MTSS2: variants seen among roughly 807,000 people sequenced by gnomAD.
MTSS2 encodes MTSS I-BAR domain containing 2.
MTSS2 carries 27 observed loss-of-function variants against 67.1 expected under a neutral mutation model. That is an observed-to-expected ratio of 0.40 (90% CI 0.30 to 0.55). The LOEUF (loss-of-function observed/expected upper bound fraction) is 0.55. Among genes scored for constraint, MTSS2 ranks in the 20% least tolerant of loss-of-function variants. MTSS2 has a pLI of 0.43. For synonymous variants in MTSS2, 624 were observed against 468.6 expected, an observed-to-expected ratio of 1.33 and a Z score of -4.28; for missense variants, 1,171 against 1,067.8, an observed-to-expected ratio of 1.10 and a Z score of -1.35.
chr16:70,676,789 G>C, intron 10 of MTSS2, 92 bp downstream of exon 10: 1 of 1,134,108 alleles, frequency 8.8e-7, no homozygotes, highest in East Asian at 2.5e-5. Flanking sequence ...TTGAGGCCCT[G>C]AAGCAATTTC....
chr16:70,679,945 C>G (rs765190719), intron 4 of MTSS2, 26 bp downstream of exon 4: 4 of 1,485,678 alleles, frequency 2.7e-6, no homozygotes, highest in African/African-American at 2.8e-5. Context: ...CCCCCGCCCC[C>G]CTGCCCGCCC....
chr16:70,670,762 G>T (rs117229820), intron 11 of MTSS2, among the ~76,000 whole-genome samples: 2 of 151,946 alleles, frequency 1.3e-5, no homozygotes, highest in Admixed American at 1.3e-4. Context: ...GTAGGAGTTC[G>T]AGACCAGCCT....
chr16:70,665,160 G>A (rs576127395), intron 12 of MTSS2, 64 bp from the exon 13 acceptor site: 207 of 1,511,102 alleles, frequency 1.4e-4, no homozygotes, highest in Non-Finnish European at 1.7e-4. Flanking sequence ...CCGGGGGCCC[G>A]TCACTGTGGC....
At chr16:70,667,780 C>G (rs532005785) in intron 11 of MTSS2, among the ~76,000 whole-genome samples, 2 of 151,532 alleles carry the variant, frequency 1.3e-5, no homozygotes, top group African/African-American at 2.4e-5. Flanking sequence ...GGCTGAGGCA[C>G]GAGAATAGCT....
chr16:70,683,933 C>A (rs1004644073), intron 1 of MTSS2, among the ~76,000 whole-genome samples: 3 of 152,368 alleles, frequency 2.0e-5, no homozygotes, highest in Non-Finnish European at 2.9e-5. Context: ...AGGGGCGAAT[C>A]TGTCCTTGGC....
intron 3 of MTSS2, 26 bp downstream of exon 3, chr16:70,680,768 C>T: frequency 6.5e-7 from 1 of 1,549,560 alleles, no homozygotes; most frequent in Middle Eastern, 1.7e-4. Flanking sequence ...GGGGCAACCC[C>T]AACCTCCAGC....
rs2053439547 is a variant in MTSS2 at position 70,685,794 on chromosome 16, T to C, written c.-3A>G. 3 of 1,348,370 alleles carry C rather than the reference T, an allele frequency of 2.2e-6. No homozygotes were observed. Among genetic ancestry groups the C allele is most frequent in the East Asian group, 8.2e-5 (2 of 24,450 alleles). The allele number at this position is 1,348,370 out of a possible 1,614,324, so 83.5% of individuals were successfully genotyped here. ...CACTCCTTCTCCGCCGTCTCCATGCTCTGGCTGGGCCGGGCCGCGGCGGCG... is the reference window on the plus strand; with the variant it reads ...CACTCCTTCTCCGCCGTCTCCATGCCCTGGCTGGGCCGGGCCGCGGCGGCG... On this transcript the variant is annotated 5_prime_UTR_variant, in exon 1 of 15. Coordinates refer to ENST00000338779, the MANE Select transcript of MTSS2 (RefSeq NM_138383.3).
At chr16:70,665,910 G>A (rs777889128) in intron 11 of MTSS2, 32 of 195,758 alleles carry the variant, frequency 1.6e-4, no homozygotes, top group Non-Finnish European at 3.4e-4. Context: ...AGTTTTCTCA[G>A]ACAGGACACG....
At position 70,680,676 on chromosome 16, in the gene MTSS2, G is replaced by C. The variant is rs945937562; in HGVS notation, c.205+118C>G. 4.5e-6 allele frequency: 4 copies of C among 880,468 alleles called. No homozygotes were observed. The African/African-American group carries it at 6.6e-5, about 15-fold the overall frequency. The allele number at this position is 880,468 out of a possible 1,614,324, so 54.5% of individuals were successfully genotyped here. A position where few individuals can be genotyped will look rare whatever the true frequency, so the allele number is the denominator to read the frequency against. On this transcript the variant is annotated intron_variant, in intron 3 of 14. Coordinates refer to ENST00000338779, the MANE Select transcript of MTSS2 (RefSeq NM_138383.3). ...AACCAGCCCACTCCACTAAGGAGCA[G>C]AACTCAAGGTTCTGGGCTTGGCGTC...
intron 13 of MTSS2, 41 bp from the exon 14 acceptor site, chr16:70,664,804 A>C (rs757863025): frequency 8.3e-6 from 13 of 1,561,318 alleles, no homozygotes; most frequent in African/African-American, 1.4e-5. Context: ...TGCGCCCCCA[A>C]TCCCCTCTGC....
intron 8 of MTSS2, among the ~76,000 whole-genome samples, 174 bp from the exon 9 acceptor site, chr16:70,678,073 G>C (rs1426398160): frequency 6.6e-6 from 1 of 152,252 alleles, no homozygotes; most frequent in African/African-American, 2.4e-5. Context: ...GGGCTGGCAT[G>C]ATGGTCTCTC....
intron 10 of MTSS2, among the ~76,000 whole-genome samples, chr16:70,675,242 G>A (rs1178333871): frequency 6.6e-6 from 1 of 152,098 alleles, no homozygotes; most frequent in East Asian, 1.9e-4. Context: ...GGGCAATAGG[G>A]TGAGACCCTG....
At chr16:70,666,618 G>A (rs532221438) in intron 11 of MTSS2, among the ~76,000 whole-genome samples, 4 of 152,180 alleles carry the variant, frequency 2.6e-5, no homozygotes, top group Admixed American at 2.6e-4. Flanking sequence ...ATTTCCTGCA[G>A]ATTCGAATGA....
rs556106494 is a variant in MTSS2, at chr16:70,680,712, C to G, written c.205+82G>C. ...TCTGGGCTTGGCGTCCCGTCCTTTC[C>G]CTGGCCCATCCCCTACTCTTCCTTT... On this transcript the variant is annotated intron_variant, in intron 3 of 14. Transcript: ENST00000338779. 82 of 1,282,702 alleles carry G rather than the reference C, an allele frequency of 6.4e-5. No individual in the cohort carries two copies. In the East Asian group the frequency reaches 1.3e-3, roughly 20 times the overall value. 79.5% of individuals were successfully genotyped at this position (1,282,702 alleles called of 1,614,324 possible).
intron 11 of MTSS2, among the ~76,000 whole-genome samples, chr16:70,669,818 T>TAAAAAA (rs3058050): frequency 0.024 from 3,512 of 145,822 alleles, 154 homozygotes; most frequent in African/African-American, 0.082. Context: ...CTCTGTCTCA[T>TAAAAAA]AAAAAAAAAA....
Position 70,679,295 on chromosome 16 carries a change from G to T in MTSS2, c.466+20C>A. On this transcript the variant is annotated intron_variant, in intron 7 of 14. Transcript: ENST00000338779. ...GACAAGGACGGGAGGAGCAGCTGGA[G>T]GGACCGACATTTGACTTACCAAGTA... 1 of 1,613,900 alleles carries T rather than the reference G, an allele frequency of 6.2e-7. No homozygotes were observed.
intron 11 of MTSS2, among the ~76,000 whole-genome samples, chr16:70,673,765 G>A (rs2053018631): frequency 6.6e-6 from 1 of 152,098 alleles, no homozygotes; most frequent in Non-Finnish European, 1.5e-5. Context: ...AGTTTGAGAA[G>A]GAGTGGGTGA....
chr16:70,682,265 G>A (rs145399131), intron 1 of MTSS2, among the ~76,000 whole-genome samples: 2,399 of 152,290 alleles, frequency 0.016, 24 homozygotes, highest in Middle Eastern at 0.048. Context: ...TTCCCAAATG[G>A]GCACAGCTCA....
chr16:70,676,439 C>T (rs1442299357), intron 10 of MTSS2, among the ~76,000 whole-genome samples: 1 of 152,210 alleles, frequency 6.6e-6, no homozygotes, highest in Non-Finnish European at 1.5e-5. Flanking sequence ...GAAGCCTTCC[C>T]ATCTCTCCCT....
Sources: gnomAD v4.1 joint callset for allele counts (sites outside exome capture counted in the v4.1 genomes callset) on GRCh38, gnomAD v4.1.1 for gene constraint, MANE v1.5 for transcripts, NCBI Gene and HGNC (gene_info 2026-07-23, HGNC 2026-07-21) for gene names.